The following FSTL5 variants were observed in gnomAD, a reference collection of about 807,000 sequenced individuals.
FSTL5 encodes follistatin like 5.
Under a neutral mutation model 89.1 loss-of-function variants are expected in FSTL5, and 62 were observed. The ratio of observed to expected loss-of-function variants is 0.70; its 90% CI spans 0.57 to 0.86. The LOEUF (loss-of-function observed/expected upper bound fraction) is 0.86. Ranked by LOEUF, FSTL5 falls within the 40% of genes least tolerant of loss-of-function variation. The pLI is 0.00. For synonymous variants in FSTL5, 383 were observed against 346.2 expected, an observed-to-expected ratio of 1.11 and a Z score of -1.18; for missense variants, 1,057 against 1,001.6, an observed-to-expected ratio of 1.06 and a Z score of -0.75.
At chr4:162,019,579 T>C (rs551675559) in intron 3 of FSTL5, among the ~76,000 whole-genome samples, 62 of 152,068 alleles carry the variant, frequency 4.1e-4, no homozygotes, top group Non-Finnish European at 6.5e-4. Flanking sequence ...TTTCATATGA[T>C]TGTATAATGG....
intron 15 of FSTL5, among the ~76,000 whole-genome samples, chr4:161,431,953 C>A (rs1352725495): frequency 6.6e-6 from 1 of 151,636 alleles, no homozygotes; most frequent in African/African-American, 2.4e-5. Context: ...AGTTAAGCAC[C>A]CAGATATATA....
At chr4:162,049,004 G>T (rs1449158485) in intron 2 of FSTL5, among the ~76,000 whole-genome samples, 1 of 152,040 alleles carries the variant, frequency 6.6e-6, no homozygotes, top group African/African-American at 2.4e-5. Context: ...TCTTGAAGTG[G>T]TATATTTGGA....
intron 10 of FSTL5, among the ~76,000 whole-genome samples, chr4:161,535,470 T>A (rs999065461): frequency 1.3e-5 from 2 of 151,998 alleles, no homozygotes; most frequent in Admixed American, 6.6e-5. Flanking sequence ...AGCAAACATA[T>A]GAAAAATGCT....
intron 6 of FSTL5, among the ~76,000 whole-genome samples, chr4:161,670,564 G>T (rs570616417): frequency 5.5e-4 from 84 of 152,216 alleles, no homozygotes; most frequent in African/African-American, 1.9e-3. Flanking sequence ...CTTTAATATT[G>T]TTTGCCTAAT....
rs142247423 is a variant in FSTL5, at chr4:162,019,914, G to A, written c.160+13711C>T. Reference sequence around the variant, plus strand: ...TATAATATTTTTACAAAACTTTAGAGACATTGTTGTGAATTTAATATGAAT... The same window carrying A: ...TATAATATTTTTACAAAACTTTAGAAACATTGTTGTGAATTTAATATGAAT... On this transcript the variant is annotated intron_variant, in intron 3 of 15. Coordinates refer to ENST00000306100, the MANE Select transcript of FSTL5 (RefSeq NM_020116.5). Among the ~76,000 whole-genome samples the A allele has an allele frequency of 5.1e-3, 761 of 149,418 alleles. 5 individuals are homozygous for A. The highest frequency in any genetic ancestry group is 0.018 in the African/African-American group (733 of 41,022).
intron 8 of FSTL5, among the ~76,000 whole-genome samples, chr4:161,562,263 T>G (rs945348011): frequency 1.3e-5 from 2 of 152,034 alleles, no homozygotes; most frequent in Non-Finnish European, 2.9e-5. Context: ...TTGGGAAGTG[T>G]GAGTTCCCCA....
chr4:162,034,784 C>A (rs1737668111), intron 2 of FSTL5, among the ~76,000 whole-genome samples: 1 of 152,024 alleles, frequency 6.6e-6, no homozygotes, highest in Non-Finnish European at 1.5e-5. Context: ...GATTTTGCTG[C>A]AAAAATTAAT....
chr4:162,018,176 T>A (rs1266973820), intron 3 of FSTL5, among the ~76,000 whole-genome samples: 4 of 151,874 alleles, frequency 2.6e-5, no homozygotes. Context: ...TCCTAGGGGG[T>A]AAATGGTAGA....
intron 3 of FSTL5, among the ~76,000 whole-genome samples, chr4:161,939,263 A>G (rs1168950898): frequency 3.3e-5 from 5 of 152,098 alleles, no homozygotes; most frequent in Middle Eastern, 3.4e-3. Context: ...ATAATTTTAA[A>G]ATATCTCCAT....
chr4:161,641,922 C>T (rs1440721680), intron 7 of FSTL5, among the ~76,000 whole-genome samples: 1 of 151,982 alleles, frequency 6.6e-6, no homozygotes, highest in African/African-American at 2.4e-5. Flanking sequence ...CAACTACCCA[C>T]AAAGACATAG....
chr4:161,847,059 A>C (rs2126876950), intron 4 of FSTL5, among the ~76,000 whole-genome samples: 1 of 152,286 alleles, frequency 6.6e-6, no homozygotes, highest in Non-Finnish European at 1.5e-5. Context: ...TTGTCTCCTT[A>C]AAATGATAGT....
intron 2 of FSTL5, chr4:162,043,345 A>G (rs1460290836): frequency 6.6e-6 from 1 of 152,152 alleles, no homozygotes; most frequent in Non-Finnish European, 1.5e-5. Flanking sequence ...TTCCCAGTGC[A>G]TGTTATGTTT....
At chr4:161,870,386 A>G (rs891692715) in intron 4 of FSTL5, among the ~76,000 whole-genome samples, 1 of 151,738 alleles carries the variant, frequency 6.6e-6, no homozygotes, top group Non-Finnish European at 1.5e-5. Context: ...AGAGAGCGAG[A>G]GGAGAGACAG....
At chr4:161,437,507 C>T (rs1732601592) in intron 15 of FSTL5, among the ~76,000 whole-genome samples, 1 of 135,998 alleles carries the variant, frequency 7.4e-6, no homozygotes, top group African/African-American at 2.8e-5. Flanking sequence ...GCGGAGCTTG[C>T]AGTGAGCAGA....
At chr4:161,905,997 C>T (rs1374921734) in intron 4 of FSTL5, among the ~76,000 whole-genome samples, 1 of 152,084 alleles carries the variant, frequency 6.6e-6, no homozygotes, top group African/African-American at 2.4e-5. Flanking sequence ...GACTTGAGTG[C>T]CCTGAAGAAA....
intron 10 of FSTL5, among the ~76,000 whole-genome samples, chr4:161,529,918 A>T (rs949979977): frequency 1.4e-5 from 2 of 142,848 alleles, no homozygotes; most frequent in African/African-American, 5.0e-5. Context: ...ATAATTACTA[A>T]TCGATGACTT....
At chr4:161,518,490 TA>T (rs1171465056) in intron 10 of FSTL5, among the ~76,000 whole-genome samples, 1 of 152,166 alleles carries the variant, frequency 6.6e-6, no homozygotes, top group African/African-American at 2.4e-5. Context: ...GGAAGTTGTC[TA>T]ACTATGTAAT....
At chr4:162,089,632 C>CAAA (rs755573032) in intron 2 of FSTL5, among the ~76,000 whole-genome samples, 258 of 41,428 alleles carry the variant, frequency 6.2e-3, no homozygotes, top group Middle Eastern at 0.013. Flanking sequence ...GAATCTGTCT[C>CAAA]AAAAAAAAAA....
chr4:161,424,024 C>CTTTTTTTTT (rs11287729), intron 15 of FSTL5, among the ~76,000 whole-genome samples: 8 of 75,378 alleles, frequency 1.1e-4, no homozygotes, highest in African/African-American at 3.4e-4. Flanking sequence ...GCCCATCATT[C>CTTTTTTTTT]TTTTTTTTTT....
Sources: gnomAD v4.1 joint callset for allele counts (sites outside exome capture counted in the v4.1 genomes callset) on GRCh38, gnomAD v4.1.1 for gene constraint, MANE v1.5 for transcripts, NCBI Gene and HGNC (gene_info 2026-07-23, HGNC 2026-07-21) for gene names.